The following NXPH1 variants were observed in gnomAD, a reference collection of about 807,000 sequenced individuals.
NXPH1 encodes the protein neurexophilin 1, also known as neurexophilin-1.
NXPH1 carries 5 observed loss-of-function variants against 23.7 expected under a neutral mutation model. That is an observed-to-expected ratio of 0.21 (90% CI 0.11 to 0.44). NXPH1 has a LOEUF of 0.44. Among genes scored for constraint, NXPH1 ranks in the 20% least tolerant of loss-of-function variants. The probability of loss-of-function intolerance (pLI) is 0.99; values close to 1 mark genes in which losing one functional copy is unlikely to be tolerated. For missense variants in NXPH1, 324 were observed against 321.6 expected, an observed-to-expected ratio of 1.01 and a Z score of -0.06; for synonymous variants, 144 against 122.2, an observed-to-expected ratio of 1.18 and a Z score of -1.18.
intron 2 of NXPH1, among the ~76,000 whole-genome samples, chr7:8,731,163 A>G (rs1780146875): frequency 1.3e-5 from 2 of 151,826 alleles, no homozygotes; most frequent in South Asian, 2.1e-4. Flanking sequence ...TTCTTCATGT[A>G]GTTCTCGAGC....
intron 2 of NXPH1, among the ~76,000 whole-genome samples, chr7:8,472,947 A>G (rs564009454): frequency 3.9e-4 from 60 of 152,270 alleles, no homozygotes; most frequent in African/African-American, 1.4e-3. Flanking sequence ...TAGTCCAACA[A>G]TATGGCCAAT....
At chr7:8,665,773 T>G (rs1227294896) in intron 2 of NXPH1, among the ~76,000 whole-genome samples, 2 of 99,100 alleles carry the variant, frequency 2.0e-5, no homozygotes. Flanking sequence ...TTGGTAGCTA[T>G]TATAAAAGGG....
intron 2 of NXPH1, 27 bp from the exon 3 acceptor site, chr7:8,750,981 A>C: frequency 1.9e-6 from 3 of 1,608,822 alleles, no homozygotes; most frequent in Non-Finnish European, 2.6e-6. Flanking sequence ...CAGAGATGTA[A>C]ATGCCATTTT....
intron 2 of NXPH1, among the ~76,000 whole-genome samples, chr7:8,482,606 G>C (rs1003659722): frequency 1.3e-5 from 2 of 152,260 alleles, no homozygotes; most frequent in African/African-American, 4.8e-5. Context: ...GGGTGGAGAA[G>C]ACTTGACAGG....
At chr7:8,549,532 T>C (rs974063875) in intron 2 of NXPH1, among the ~76,000 whole-genome samples, 8 of 151,510 alleles carry the variant, frequency 5.3e-5, no homozygotes, top group African/African-American at 1.9e-4. Context: ...GTTTCTAAGA[T>C]TAATTCAGTA....
chr7:8,670,307 T>C (rs553610904), intron 2 of NXPH1, among the ~76,000 whole-genome samples: 1 of 152,366 alleles, frequency 6.6e-6, no homozygotes, highest in South Asian at 2.1e-4. Context: ...GAAATTTACA[T>C]TTTTAGTGTT....
At chr7:8,743,844 C>T (rs765544821) in intron 2 of NXPH1, among the ~76,000 whole-genome samples, 7 of 151,944 alleles carry the variant, frequency 4.6e-5, no homozygotes, top group Non-Finnish European at 8.8e-5. Flanking sequence ...CCACCGTGCC[C>T]GGCCAATTTT....
intron 2 of NXPH1, among the ~76,000 whole-genome samples, chr7:8,557,079 G>C (rs1225668521): frequency 6.6e-6 from 1 of 151,688 alleles, no homozygotes; most frequent in Non-Finnish European, 1.5e-5. Context: ...CATAGAATGA[G>C]ACATTGTAAT....
intron 2 of NXPH1, among the ~76,000 whole-genome samples, chr7:8,686,515 T>C (rs915201207): frequency 6.6e-5 from 10 of 152,052 alleles, no homozygotes; most frequent in African/African-American, 2.4e-4. Context: ...AAAGAAGCAG[T>C]GGAGAACTGT....
intron 2 of NXPH1, among the ~76,000 whole-genome samples, chr7:8,576,572 G>T (rs116621586): frequency 6.6e-6 from 1 of 152,116 alleles, no homozygotes; most frequent in African/African-American, 2.4e-5. Context: ...CTGAAGGAAG[G>T]CTGCAGCCTT....
chr7:8,748,098 C>T (rs1780501621), intron 2 of NXPH1, among the ~76,000 whole-genome samples: 1 of 152,032 alleles, frequency 6.6e-6, no homozygotes, highest in South Asian at 2.1e-4. Context: ...ATGCATAATC[C>T]TCCTCTCCCA....
At chr7:8,446,435 G>A (rs554909703) in intron 2 of NXPH1, among the ~76,000 whole-genome samples, 114 of 152,198 alleles carry the variant, frequency 7.5e-4, no homozygotes, top group African/African-American at 2.6e-3. Context: ...AAAGAAAAAG[G>A]CCTGTCTAAC....
chr7:8,443,491 C>A (rs1260172181), intron 2 of NXPH1, among the ~76,000 whole-genome samples: 1 of 152,234 alleles, frequency 6.6e-6, no homozygotes. Flanking sequence ...GCGATTCCTG[C>A]CCCTCTTCCC....
chr7:8,495,312 C>G (rs896158958), intron 2 of NXPH1, among the ~76,000 whole-genome samples: 1 of 122,146 alleles, frequency 8.2e-6, no homozygotes, highest in African/African-American at 3.4e-5. Context: ...GAGACCCACC[C>G]ACATTATGGA....
At chr7:8,526,695 T>C (rs1817867018) in intron 2 of NXPH1, among the ~76,000 whole-genome samples, 2 of 152,160 alleles carry the variant, frequency 1.3e-5, no homozygotes, top group Admixed American at 1.3e-4. Context: ...GGTTTCTGCT[T>C]TTGCTTCTTC....
At chr7:8,674,122 T>C (rs898334556) in intron 2 of NXPH1, among the ~76,000 whole-genome samples, 2 of 151,746 alleles carry the variant, frequency 1.3e-5, no homozygotes, top group South Asian at 2.1e-4. Context: ...TTTTGTAAGG[T>C]ACATTTTTAA....
intron 2 of NXPH1, among the ~76,000 whole-genome samples, chr7:8,679,022 A>G (rs1014261043): frequency 7.4e-6 from 1 of 134,612 alleles, no homozygotes; most frequent in African/African-American, 2.9e-5. Context: ...ATTTCGGCTC[A>G]CTGCAAGCTC....
chr7:8,498,917 G>A (rs1217974926), intron 2 of NXPH1, among the ~76,000 whole-genome samples: 1 of 152,002 alleles, frequency 6.6e-6, no homozygotes, highest in Non-Finnish European at 1.5e-5. Flanking sequence ...GAGAATTTGA[G>A]AATTTAACTC....
intron 2 of NXPH1, among the ~76,000 whole-genome samples, chr7:8,739,834 T>A (rs565561592): frequency 6.6e-6 from 1 of 152,330 alleles, no homozygotes; most frequent in East Asian, 1.9e-4. Context: ...TAAACATTTT[T>A]AAAAATGAAG....
Sources: gnomAD v4.1 joint callset for allele counts (sites outside exome capture counted in the v4.1 genomes callset) on GRCh38, gnomAD v4.1.1 for gene constraint, MANE v1.5 for transcripts, NCBI Gene and HGNC (gene_info 2026-07-23, HGNC 2026-07-21) for gene names.